E2F6: variants seen among roughly 807,000 people sequenced by gnomAD.
E2F6 encodes the protein E2F transcription factor 6.
A neutral mutation model predicts 31.5 loss-of-function variants in E2F6; 19 were observed. The ratio of observed to expected loss-of-function variants is 0.60; its 90% CI spans 0.42 to 0.89. The LOEUF is 0.89. Among genes scored for constraint, E2F6 ranks in the 40% least tolerant of loss-of-function variants. The pLI, the probability that E2F6 is intolerant of heterozygous loss-of-function variation, is 0.00. For missense variants in E2F6, 269 were observed against 341.6 expected, an observed-to-expected ratio of 0.79 and a Z score of 1.67; for synonymous variants, 121 against 127.7, an observed-to-expected ratio of 0.95 and a Z score of 0.36.
chr2:11,451,951 T>C, intron 3 of E2F6, 145 bp from the exon 4 acceptor site: 1 of 741,720 alleles, frequency 1.3e-6, no homozygotes, highest in Non-Finnish European at 2.2e-6. Context: ...TTCTGCCGTC[T>C]TTGTTCTAGA....
intron 3 of E2F6, among the ~76,000 whole-genome samples, chr2:11,452,099 A>C (rs1671107014): frequency 6.6e-6 from 1 of 152,232 alleles, no homozygotes; most frequent in Non-Finnish European, 1.5e-5. Context: ...CACTGAACTA[A>C]GAGTCAATAA....
chr2:11,465,765 A>C lies in E2F6; in HGVS notation c.108+7T>G. The C allele has an allele frequency of 6.3e-7, 1 of 1,585,584 alleles. No individual in the cohort carries two copies. Among genetic ancestry groups the C allele is most frequent in the Non-Finnish European group, 8.6e-7 (1 of 1,166,606 alleles). ...ACCGCCCGTCCCCGTCCCGTCCCGGAGCTTACCAGCAGGCCCTCCACGTTG... is the reference window on the plus strand; with the variant it reads ...ACCGCCCGTCCCCGTCCCGTCCCGGCGCTTACCAGCAGGCCCTCCACGTTG... On this transcript the variant is annotated splice_region_variant and intron_variant, in intron 1 of 6. Transcript: ENST00000381525.
chr2:11,446,648 G>C (rs1670733118), intron 6 of E2F6, 125 bp from the exon 7 acceptor site: 2 of 744,264 alleles, frequency 2.7e-6, no homozygotes, highest in Non-Finnish European at 4.5e-6. Flanking sequence ...GCCTGGTCAA[G>C]AACACGTATT....
intron 1 of E2F6, among the ~76,000 whole-genome samples, chr2:11,463,855 G>A (rs187937974): frequency 1.4e-5 from 2 of 147,048 alleles, no homozygotes; most frequent in African/African-American, 2.5e-5. Context: ...GGAGTTGGAG[G>A]CAGAAGGATC....
At chr2:11,457,514 T>C (rs902841477) in intron 1 of E2F6, among the ~76,000 whole-genome samples, 1 of 152,148 alleles carries the variant, frequency 6.6e-6, no homozygotes, top group African/African-American at 2.4e-5. Flanking sequence ...TCCCAGCTAC[T>C]TGGGAGGCTG....
chr2:11,452,660 T>C (rs1275246052), intron 3 of E2F6, among the ~76,000 whole-genome samples: 1 of 152,118 alleles, frequency 6.6e-6, no homozygotes, highest in East Asian at 1.9e-4. Context: ...TACTCCAATA[T>C]GATATGACCA....
rs539827019 is a variant in E2F6, at chr2:11,459,930, G to A, written c.109-2697C>T. Among the ~76,000 whole-genome samples, 5 of 152,246 alleles carry A rather than the reference G, an allele frequency of 3.3e-5. No individual in the cohort carries two copies. The East Asian group carries it at 9.7e-4, about 29-fold the overall frequency. On this transcript the variant is annotated intron_variant, in intron 1 of 6. Coordinates refer to ENST00000381525, the MANE Select transcript of E2F6 (RefSeq NM_198256.4). The stretch of plus-strand genomic sequence containing the variant: ...TAGGCAGATTGTTTGCATGCTAGCT[G>A]CAAAATGAATGGAGAAGTCAGAGGC...
chr2:11,462,118 T>G (rs1671818927), intron 1 of E2F6, among the ~76,000 whole-genome samples: 1 of 152,204 alleles, frequency 6.6e-6, no homozygotes, highest in African/African-American at 2.4e-5. Context: ...AAACTCATCT[T>G]TAATATTCTG....
chr2:11,453,614 A>C lies in E2F6; in HGVS notation c.348T>G (p.Val116=). 1 of 1,614,186 alleles carries C rather than the reference A, an allele frequency of 6.2e-7. No individual in the cohort carries two copies. The highest frequency in any genetic ancestry group is 8.5e-7 in the Non-Finnish European group (1 of 1,180,040). ...ITNVLDGIDL[V]EKKSKNHIRW... ...TAATATGGTTCTTGGATTTCTTTTC[A>C]ACGAGGTCGATTCCATCTAAGACAT... The change falls in exon 3 of 7, where the codon GTT becomes GTG. Residue 116 remains valine (V), a synonymous_variant. Coordinates refer to ENST00000381525, the MANE Select transcript of E2F6 (RefSeq NM_198256.4).
chr2:11,456,133 C>T (rs1176256819), intron 2 of E2F6, among the ~76,000 whole-genome samples: 3 of 152,296 alleles, frequency 2.0e-5, no homozygotes, highest in Non-Finnish European at 4.4e-5. Flanking sequence ...GCTCTGTCTA[C>T]CCATTCTCTA....
chr2:11,450,980 C>G (rs1025718812), intron 4 of E2F6, among the ~76,000 whole-genome samples: 1 of 152,114 alleles, frequency 6.6e-6, no homozygotes, highest in African/African-American at 2.4e-5. Flanking sequence ...CCAGCCCCAC[C>G]CCCCAGCTCC....
intron 2 of E2F6, among the ~76,000 whole-genome samples, chr2:11,454,747 T>C (rs1671298566): frequency 6.6e-6 from 1 of 151,824 alleles, no homozygotes; most frequent in Admixed American, 6.6e-5. Context: ...CCTACTATAA[T>C]GACTGGGGTT....
chr2:11,459,490 T>G (rs898829638), intron 1 of E2F6, among the ~76,000 whole-genome samples: 3 of 152,152 alleles, frequency 2.0e-5, no homozygotes, highest in Admixed American at 6.5e-5. Context: ...ATTCATTTGT[T>G]TTTTTTTCCT....
At chr2:11,465,573 A>G (rs531609856) in intron 1 of E2F6, among the ~76,000 whole-genome samples, 199 bp downstream of exon 1, 1 of 152,228 alleles carries the variant, frequency 6.6e-6, no homozygotes, top group Non-Finnish European at 1.5e-5. Context: ...GTAAAAGCCT[A>G]GAAGACTGAT....
intron 1 of E2F6, among the ~76,000 whole-genome samples, chr2:11,464,378 G>T (rs541813660): frequency 1.3e-5 from 2 of 151,834 alleles, no homozygotes; most frequent in Non-Finnish European, 2.9e-5. Context: ...TTAGCCGTGC[G>T]TGGTGGCGGG....
chr2:11,461,556 T>A, intron 1 of E2F6, among the ~76,000 whole-genome samples: 1 of 152,148 alleles, frequency 6.6e-6, no homozygotes, highest in East Asian at 1.9e-4. Context: ...TTTCACCACA[T>A]TAGCCAGGCT....
intron 1 of E2F6, chr2:11,458,482 C>G: frequency 1.2e-6 from 1 of 867,324 alleles, no homozygotes; most frequent in Non-Finnish European, 1.9e-6. Context: ...GACTTTGAAG[C>G]TGGGAGGGCA....
chr2:11,453,936 T>C, intron 2 of E2F6, 138 bp from the exon 3 acceptor site: 1 of 744,836 alleles, frequency 1.3e-6, no homozygotes. Flanking sequence ...AAAGCTGGTT[T>C]CTATGAAATA....
chr2:11,464,302 C>T (rs1435029697), intron 1 of E2F6, among the ~76,000 whole-genome samples: 3 of 151,796 alleles, frequency 2.0e-5, no homozygotes, highest in African/African-American at 7.3e-5. Flanking sequence ...ATCACGAGGT[C>T]AGGAGATTGA....
Sources: allele counts gnomAD v4.1 joint callset (sites outside exome capture counted in the v4.1 genomes callset), GRCh38; gene constraint gnomAD v4.1.1; transcripts MANE v1.5; gene names NCBI Gene and HGNC (gene_info 2026-07-23, HGNC 2026-07-21).